NCKAP5: variants seen among roughly 807,000 people sequenced by gnomAD.
NCKAP5 encodes nck-associated protein 5.
A neutral mutation model predicts 167.0 loss-of-function variants in NCKAP5; 92 were observed. The ratio of observed to expected loss-of-function variants is 0.55; its 90% CI spans 0.47 to 0.66. The LOEUF is 0.66. Ranked by LOEUF, NCKAP5 falls within the 30% of genes least tolerant of loss-of-function variation. The probability of loss-of-function intolerance (pLI) is 0.00; values close to 1 mark genes in which losing one functional copy is unlikely to be tolerated. For missense variants in NCKAP5, 2,378 were observed against 2,315.0 expected (o/e 1.03, Z -0.56); for synonymous variants, 891 against 877.4 (o/e 1.02, Z -0.27).
At chr2:133,233,948 A>G (rs569877797) in intron 4 of NCKAP5, among the ~76,000 whole-genome samples, 1 of 152,312 alleles carries the variant, frequency 6.6e-6, no homozygotes, top group East Asian at 1.9e-4. Context: ...TGGAAACACG[A>G]TCAAACCAAC....
At chr2:133,464,057 C>G (rs770269476) in intron 3 of NCKAP5, among the ~76,000 whole-genome samples, 3 of 152,158 alleles carry the variant, frequency 2.0e-5, no homozygotes, top group Admixed American at 2.0e-4. Flanking sequence ...ACGGGGGAGC[C>G]TGCATGCCCC....
At chr2:133,525,799 C>T (rs1005901945) in intron 2 of NCKAP5, among the ~76,000 whole-genome samples, 1 of 152,112 alleles carries the variant, frequency 6.6e-6, no homozygotes, top group African/African-American at 2.4e-5. Context: ...ATCAAGCCAG[C>T]TGTCCCATGT....
At chr2:133,668,889 T>C in the NCKAP5 span, among the ~76,000 whole-genome samples, 1 of 152,156 alleles carries the variant, frequency 6.6e-6, no homozygotes, top group Non-Finnish European at 1.5e-5. Flanking sequence ...AGTGTGTATG[T>C]TGATATGAAT....
At chr2:133,463,820 G>T (rs966042739) in intron 3 of NCKAP5, among the ~76,000 whole-genome samples, 3 of 152,210 alleles carry the variant, frequency 2.0e-5, no homozygotes, top group Admixed American at 1.3e-4. Context: ...TGATTTATAT[G>T]ATGGTGTCTA....
intron 6 of NCKAP5, among the ~76,000 whole-genome samples, chr2:133,096,868 C>G (rs1364882799): frequency 6.6e-6 from 1 of 152,090 alleles, no homozygotes; most frequent in Non-Finnish European, 1.5e-5. Flanking sequence ...AACTTGGAGG[C>G]TGAACAGTAC....
At chr2:133,110,653 T>C (rs2081876585) in intron 6 of NCKAP5, among the ~76,000 whole-genome samples, 5 of 152,190 alleles carry the variant, frequency 3.3e-5, no homozygotes, top group Admixed American at 3.3e-4. Context: ...TGAAGTAACA[T>C]GCTGGAAATC....
At chr2:132,681,607 A>G (rs1242293703) in intron 19 of NCKAP5, among the ~76,000 whole-genome samples, 1 of 152,092 alleles carries the variant, frequency 6.6e-6, no homozygotes, top group East Asian at 1.9e-4. Flanking sequence ...GTGAATATAA[A>G]AAAAGCTTAT....
chr2:132,787,227 A>C (rs1683649252), intron 13 of NCKAP5, among the ~76,000 whole-genome samples: 1 of 152,082 alleles, frequency 6.6e-6, no homozygotes, highest in South Asian at 2.1e-4. Context: ...GGGTGCCTGT[A>C]ATCCCAGCTA....
At chr2:133,604,806 CTG>C in the NCKAP5 span, among the ~76,000 whole-genome samples, 1 of 152,164 alleles carries the variant, frequency 6.6e-6, no homozygotes, top group Non-Finnish European at 1.5e-5. Flanking sequence ...CTGGGATACC[CTG>C]TGTCAGGGAC....
the NCKAP5 span, among the ~76,000 whole-genome samples, chr2:133,605,880 AG>A: frequency 7.2e-5 from 11 of 152,202 alleles, no homozygotes; most frequent in South Asian, 4.1e-4. Flanking sequence ...CAAGAGGAAA[AG>A]GGGGGCAGGA....
chr2:133,355,796 A>G (rs1451252497), intron 3 of NCKAP5, among the ~76,000 whole-genome samples: 1 of 152,116 alleles, frequency 6.6e-6, no homozygotes, highest in Non-Finnish European at 1.5e-5. Flanking sequence ...TTGCGTGTGG[A>G]GTATAATCAC....
chr2:133,065,848 G>C, intron 6 of NCKAP5, among the ~76,000 whole-genome samples: 1 of 152,186 alleles, frequency 6.6e-6, no homozygotes, highest in East Asian at 1.9e-4. Flanking sequence ...TGACAACAAT[G>C]TGAGATCACA....
intron 4 of NCKAP5, among the ~76,000 whole-genome samples, chr2:133,230,139 C>G (rs2087075954): frequency 6.6e-6 from 1 of 152,174 alleles, no homozygotes; most frequent in Non-Finnish European, 1.5e-5. Context: ...GCCATGTTCT[C>G]TCATTATGAT....
chr2:133,005,840 G>A (rs1011751581), intron 6 of NCKAP5, among the ~76,000 whole-genome samples: 11 of 152,254 alleles, frequency 7.2e-5, no homozygotes, highest in South Asian at 6.2e-4. Flanking sequence ...ATTAGAGGCC[G>A]TTCTCTTCTA....
the NCKAP5 span, among the ~76,000 whole-genome samples, chr2:133,580,234 C>T: frequency 1.3e-5 from 2 of 152,190 alleles, no homozygotes; most frequent in Admixed American, 1.3e-4. Context: ...CCCATTCTAC[C>T]TCCTGACTCT....
At chr2:132,743,687 T>C (rs1679400174) in intron 16 of NCKAP5, among the ~76,000 whole-genome samples, 1 of 151,684 alleles carries the variant, frequency 6.6e-6, no homozygotes, top group African/African-American at 2.4e-5. Flanking sequence ...ACCATTTAGA[T>C]AATTACATAA....
intron 11 of NCKAP5, among the ~76,000 whole-genome samples, chr2:132,847,537 A>G (rs1211345011): frequency 1.3e-5 from 2 of 152,204 alleles, no homozygotes; most frequent in African/African-American, 4.8e-5. Flanking sequence ...AGATATACAC[A>G]TATCATCGCT....
chr2:133,579,846 G>A, the NCKAP5 span, among the ~76,000 whole-genome samples: 1 of 152,072 alleles, frequency 6.6e-6, no homozygotes. Context: ...CCATTTTAAT[G>A]TCCCTCTGGG....
At chr2:133,625,378 G>A in the NCKAP5 span, among the ~76,000 whole-genome samples, 23 of 152,250 alleles carry the variant, frequency 1.5e-4, no homozygotes, top group African/African-American at 5.1e-4. Flanking sequence ...ACCTCTTGTA[G>A]AACTCAAATT....
Sources: allele counts gnomAD v4.1 joint callset (sites outside exome capture counted in the v4.1 genomes callset), GRCh38; gene constraint gnomAD v4.1.1; transcripts MANE v1.5; gene names NCBI Gene and HGNC (gene_info 2026-07-23, HGNC 2026-07-21).